Variants in GALNT18 observed in about 807,000 individuals in gnomAD.
GALNT18 encodes the protein GalNAc-transferase 18.
In GALNT18, 44 loss-of-function variants were observed where a neutral mutation model predicts 69.5. That is an observed-to-expected ratio of 0.63 (90% CI 0.50 to 0.81). The LOEUF is 0.81. Ranked by LOEUF, GALNT18 falls within the 40% of genes least tolerant of loss-of-function variation. The probability of loss-of-function intolerance (pLI) is 0.00; values close to 1 mark genes in which losing one functional copy is unlikely to be tolerated. For missense variants in GALNT18, 715 were observed against 810.0 expected, an observed-to-expected ratio of 0.88 and a Z score of 1.42; for synonymous variants, 364 against 318.2, an observed-to-expected ratio of 1.14 and a Z score of -1.53.
At position 11,461,253 on chromosome 11, in the gene GALNT18, C is replaced by A. The variant is rs112693893; in HGVS notation, c.236-12317G>T. Among the ~76,000 whole-genome samples, 3 of 152,104 alleles carry A rather than the reference C, an allele frequency of 2.0e-5. No homozygotes were observed. Among genetic ancestry groups the A allele is most frequent in the South Asian group, 2.1e-4 (1 of 4,814 alleles). On this transcript the variant is annotated intron_variant, in intron 1 of 10. Coordinates refer to ENST00000227756, the MANE Select transcript of GALNT18 (RefSeq NM_198516.3). The surrounding 1 kb of genome is among the most constrained non-coding windows in gnomAD (Gnocchi z 4.1). Reference sequence around the variant, plus strand: ...CTGGGCCTGGGTGTGTCTGAGTGTGCGGCTAGGATGGCTGGTGCAGGTAGG... The same window carrying A: ...CTGGGCCTGGGTGTGTCTGAGTGTGAGGCTAGGATGGCTGGTGCAGGTAGG...
At chr11:11,567,960 C>A (rs1330707307) in intron 1 of GALNT18, among the ~76,000 whole-genome samples, 2 of 152,210 alleles carry the variant, frequency 1.3e-5, no homozygotes, top group Non-Finnish European at 2.9e-5. Flanking sequence ...AACTATATAA[C>A]CCATCTCCCT....
intron 10 of GALNT18, among the ~76,000 whole-genome samples, chr11:11,281,964 G>T (rs557824017): frequency 6.6e-6 from 1 of 152,072 alleles, no homozygotes; most frequent in African/African-American, 2.4e-5. Context: ...GTGGGGCATC[G>T]CTGAGCAGAG....
intron 1 of GALNT18, among the ~76,000 whole-genome samples, chr11:11,585,147 G>C (rs1468647306): frequency 6.6e-6 from 1 of 152,104 alleles, no homozygotes; most frequent in Non-Finnish European, 1.5e-5. Flanking sequence ...TTGGATAAAA[G>C]ATATAAGCAA....
intron 3 of GALNT18, among the ~76,000 whole-genome samples, chr11:11,414,028 A>G (rs1034059025): frequency 6.6e-6 from 1 of 152,066 alleles, no homozygotes; most frequent in Non-Finnish European, 1.5e-5. Flanking sequence ...CTCAAGCTAG[A>G]AACCTGAGCT....
intron 10 of GALNT18, among the ~76,000 whole-genome samples, chr11:11,285,946 G>T (rs1318130084): frequency 6.6e-6 from 1 of 152,194 alleles, no homozygotes; most frequent in Non-Finnish European, 1.5e-5. Flanking sequence ...TAGGGGCTCA[G>T]TCTCTTCTGG....
In GALNT18 at chr11:11,413,481, C is replaced by G. The variant is rs754744157; in HGVS notation, c.595+19140G>C. On this transcript the variant is annotated intron_variant, in intron 3 of 10. Coordinates refer to ENST00000227756, the MANE Select transcript of GALNT18 (RefSeq NM_198516.3). This position sits in a 1 kb window ranked among gnomAD's most constrained non-coding sequence, Gnocchi z 4.7. Reference sequence around the variant, plus strand: ...TATTCACGTTCATTCTTCTCCAGCTCCCTCAGGCCCCTTAACAACATTAGA... The same window carrying G: ...TATTCACGTTCATTCTTCTCCAGCTGCCTCAGGCCCCTTAACAACATTAGA... 2.6e-5 allele frequency among the ~76,000 whole-genome samples: 4 copies of G among 152,118 alleles called. No homozygotes were observed. Among genetic ancestry groups the G allele is most frequent in the Admixed American group, 6.5e-5 (1 of 15,272 alleles).
rs149241080 is a variant in GALNT18 at position 11,490,751 on chromosome 11, G to A, written c.236-41815C>T. On this transcript the variant is annotated intron_variant, in intron 1 of 10. Coordinates refer to ENST00000227756, the MANE Select transcript of GALNT18 (RefSeq NM_198516.3). ...AGGTGTGCTCAGAAGGTCTGTCCTG[G>A]CAGATGTAACCAAGAAGCCCTGTGC... 3.0e-3 allele frequency among the ~76,000 whole-genome samples: 460 copies of A among 152,262 alleles called. 2 individuals carry two copies. Among genetic ancestry groups the A allele is most frequent in the African/African-American group, 0.011 (445 of 41,546 alleles).
Position 11,573,918 on chromosome 11 carries a change from T to C in GALNT18, c.235+47441A>G, listed in dbSNP as rs963462036. 2.0e-5 allele frequency: 3 copies of C among 152,170 alleles called. No homozygotes were observed. The highest frequency in any genetic ancestry group is 4.4e-5 in the Non-Finnish European group (3 of 68,048). 9.4% of individuals were successfully genotyped at this position (152,170 alleles called of 1,614,324 possible). The stretch of plus-strand genomic sequence containing the variant: ...GCATTTTGAGGGGTCATTCATTCTA[T>C]CAACATCTCATTATAGAAGGCAGAG... On this transcript the variant is annotated intron_variant, in intron 1 of 10. Coordinates refer to ENST00000227756, the MANE Select transcript of GALNT18 (RefSeq NM_198516.3). The surrounding 1 kb of genome is among the most constrained non-coding windows in gnomAD (Gnocchi z 4.6).
chr11:11,438,984 T>C lies in GALNT18; in HGVS notation c.429-6197A>G, dbSNP rs7122730. The stretch of plus-strand genomic sequence containing the variant: ...TTTGACTCACAATTAACAGGACCAG[T>C]GACTGATTTCCTGAGCCCCAAATAG... On this transcript the variant is annotated intron_variant, in intron 2 of 10. Coordinates refer to ENST00000227756, the MANE Select transcript of GALNT18 (RefSeq NM_198516.3). Among the ~76,000 whole-genome samples the C allele has an allele frequency of 7.9e-3, 1,200 of 152,208 alleles. 16 individuals carry two copies. Among genetic ancestry groups the C allele is most frequent in the African/African-American group, 0.027 (1,123 of 41,518 alleles).
At chr11:11,482,453 G>A (rs1856552507) in intron 1 of GALNT18, among the ~76,000 whole-genome samples, 1 of 152,228 alleles carries the variant, frequency 6.6e-6, no homozygotes, top group South Asian at 2.1e-4. Context: ...TCTGCAATGA[G>A]GGAAAATGTA....
At chr11:11,296,841 CA>C (rs1477744626) in intron 9 of GALNT18, among the ~76,000 whole-genome samples, 1 of 152,106 alleles carries the variant, frequency 6.6e-6, no homozygotes, top group Non-Finnish European at 1.5e-5. Context: ...GGAGGTTCGG[CA>C]AAGAGGATTT....
intron 3 of GALNT18, among the ~76,000 whole-genome samples, chr11:11,409,122 T>G (rs1347501336): frequency 1.3e-5 from 2 of 152,166 alleles, no homozygotes; most frequent in Non-Finnish European, 2.9e-5. Context: ...TCCTTCCAAA[T>G]GCTACCAACA....
chr11:11,354,758 C>T (rs1341876424), intron 6 of GALNT18, among the ~76,000 whole-genome samples: 3 of 152,138 alleles, frequency 2.0e-5, no homozygotes, highest in Non-Finnish European at 4.4e-5. Flanking sequence ...CAAGTGCCTA[C>T]GTCTCACCTT....
At chr11:11,327,061 C>A (rs747569937) in intron 9 of GALNT18, 25 bp downstream of exon 9, 46 of 1,543,984 alleles carry the variant, frequency 3.0e-5, no homozygotes, top group Non-Finnish European at 3.8e-5. Context: ...ACACTCCTGG[C>A]ACAGGAATCT....
chr11:11,438,271 G>C (rs528582113), intron 2 of GALNT18, among the ~76,000 whole-genome samples: 18 of 152,304 alleles, frequency 1.2e-4, no homozygotes, highest in Middle Eastern at 3.4e-3. Context: ...AAAACCAGAG[G>C]ATGAAGGCAG....
At chr11:11,528,731 G>A (rs569931887) in intron 1 of GALNT18, among the ~76,000 whole-genome samples, 4 of 152,290 alleles carry the variant, frequency 2.6e-5, no homozygotes, top group African/African-American at 7.2e-5. Flanking sequence ...TGATACCAAT[G>A]GGTAGAGAGA....
At chr11:11,553,285 T>C (rs1322709012) in intron 1 of GALNT18, among the ~76,000 whole-genome samples, 2 of 152,148 alleles carry the variant, frequency 1.3e-5, no homozygotes, top group African/African-American at 4.8e-5. Context: ...GGCGCTGAGG[T>C]CCTGAGTAAA....
At chr11:11,519,141 C>A (rs903213829) in intron 1 of GALNT18, among the ~76,000 whole-genome samples, 1 of 152,226 alleles carries the variant, frequency 6.6e-6, no homozygotes, top group African/African-American at 2.4e-5. Flanking sequence ...CTAGCCCACA[C>A]CCTGCTCGCC....
chr11:11,411,392 T>A (rs996770308), intron 3 of GALNT18, among the ~76,000 whole-genome samples: 19 of 152,188 alleles, frequency 1.2e-4, no homozygotes, highest in African/African-American at 4.6e-4. Context: ...AGCCCTTGCT[T>A]ATTATAAGCC....
Sources: gnomAD v4.1 joint callset for allele counts (sites outside exome capture counted in the v4.1 genomes callset) on GRCh38, gnomAD v4.1.1 for gene constraint, Gnocchi (gnomAD v3.1) non-coding constraint, MANE v1.5 for transcripts, NCBI Gene and HGNC (gene_info 2026-07-23, HGNC 2026-07-21) for gene names.